Variants in LAT2 observed in about 807,000 individuals in gnomAD.
LAT2 encodes the protein linker for activation of T cells family member 2, also known as linker for activation of T-cells family member 2.
A neutral mutation model predicts 43.4 loss-of-function variants in LAT2; 23 were observed. That is an observed-to-expected ratio of 0.53 (90% CI 0.38 to 0.75). The LOEUF (loss-of-function observed/expected upper bound fraction) is 0.75. Ranked by LOEUF, LAT2 falls within the 30% of genes least tolerant of loss-of-function variation. The pLI is 0.00. For synonymous variants in LAT2, 128 were observed against 123.2 expected (o/e 1.04, Z -0.26); for missense variants, 284 against 310.2 (o/e 0.92, Z 0.64).
chr7:74,225,594 A>G (rs1202533648), intron 13 of LAT2: 1 of 152,410 alleles, frequency 6.6e-6, no homozygotes, highest in Non-Finnish European at 1.5e-5. Flanking sequence ...GCCACAGAGC[A>G]GTTAAGCCAC....
chr7:74,214,101 A>AAT lies in LAT2; in HGVS notation c.-218-712_-218-711dup, dbSNP rs528805643. Among the ~76,000 whole-genome samples, 304 of 89,392 alleles carry AAT rather than the reference A, an allele frequency of 3.4e-3. 6 individuals carry two copies. Among genetic ancestry groups the AAT allele is most frequent in the African/African-American group, 0.016 (276 of 17,102 alleles). The allele number at this position is 89,392 out of a possible 152,430, so 58.6% of individuals were successfully genotyped here. A position where few individuals can be genotyped will look rare whatever the true frequency, so the allele number is the denominator to read the frequency against. ...ATATATATATGAAAAAATATATATA[A>AAT]ATATATATATGAAAATATATATATA... On this transcript the variant is annotated intron_variant, in intron 1 of 13. Coordinates refer to ENST00000460943, the MANE Select transcript of LAT2 (RefSeq NM_032464.3).
chr7:74,224,509 C>G (rs55973656), intron 12 of LAT2, 130 bp from the exon 13 acceptor site: 10 of 779,784 alleles, frequency 1.3e-5, no homozygotes, highest in Admixed American at 6.3e-5. Context: ...AGACACACAC[C>G]GCCAGGACCT....
rs188951988 is a variant in LAT2 at position 74,220,414 on chromosome 7, C to T, written c.265+160C>T. 3,716 of 1,221,234 alleles carry T rather than the reference C, an allele frequency of 3.0e-3. 5 individuals are homozygous for T. The highest frequency in any genetic ancestry group is 3.4e-3 in the Non-Finnish European group (2,912 of 851,268). 75.6% of individuals were successfully genotyped at this position (1,221,234 alleles called of 1,614,324 possible). A position where few individuals can be genotyped will look rare whatever the true frequency, so the allele number is the denominator to read the frequency against. ...CTGGGGCAGGGCAGGCTCCTGGAAT[C>T]GGCCTGGCAGGGGGAGGGTGCACAC... is the stretch of plus-strand genomic sequence containing the variant. On this transcript the variant is annotated intron_variant, in intron 7 of 13. Coordinates refer to ENST00000460943, the MANE Select transcript of LAT2 (RefSeq NM_032464.3). This position sits in a 1 kb window ranked among gnomAD's most constrained non-coding sequence, Gnocchi z 4.5.
At chr7:74,212,829 G>A (rs555157184) in intron 1 of LAT2, among the ~76,000 whole-genome samples, 4 of 152,190 alleles carry the variant, frequency 2.6e-5, no homozygotes, top group Admixed American at 1.3e-4. Flanking sequence ...ACAACCTCCC[G>A]GGGTGACGTG....
intron 13 of LAT2, chr7:74,226,286 C>A (rs534722774): frequency 6.6e-6 from 1 of 151,974 alleles, no homozygotes; most frequent in African/African-American, 2.4e-5. Flanking sequence ...TACAGGCACA[C>A]GCCACCATGT....
rs782226079 is a variant in LAT2 at position 74,220,645 on chromosome 7, G to A, written c.301+26G>A. 1.2e-6 allele frequency: 2 copies of A among 1,613,994 alleles called. No homozygotes were observed. The highest frequency in any genetic ancestry group is 1.7e-6 in the Non-Finnish European group (2 of 1,179,948). ...GTAGGTAGGCTCCTGGAGAAAGGGG[G>A]AGGCCATGGTGGGGGCCACACCCAG... On this transcript the variant is annotated intron_variant, in intron 8 of 13. Coordinates refer to ENST00000460943, the MANE Select transcript of LAT2 (RefSeq NM_032464.3). The surrounding 1 kb of genome is among the most constrained non-coding windows in gnomAD (Gnocchi z 4.5).
At chr7:74,216,474 C>T (rs1554714321) in intron 3 of LAT2, among the ~76,000 whole-genome samples, 1 of 152,084 alleles carries the variant, frequency 6.6e-6, no homozygotes, top group East Asian at 1.9e-4. Context: ...CGGGTTGAAG[C>T]GATTCTCCTG....
At chr7:74,219,122 C>T (rs1224892892) in intron 4 of LAT2, among the ~76,000 whole-genome samples, 11 of 140,976 alleles carry the variant, frequency 7.8e-5, no homozygotes, top group Non-Finnish European at 1.4e-4. Context: ...CTGCAAGCTC[C>T]GCTTCCCGGG....
chr7:74,224,622 T>C lies in LAT2; in HGVS notation c.629-17T>C. 6.4e-7 allele frequency: 1 copy of C among 1,572,306 alleles called. No individual in the cohort carries two copies. On this transcript the variant is annotated splice_polypyrimidine_tract_variant and intron_variant, in intron 12 of 13. Coordinates refer to ENST00000460943, the MANE Select transcript of LAT2 (RefSeq NM_032464.3). ...CATGTGAACCACTCGATGACCTGTC[T>C]GCCCGCTGGTCCACAGGGCAACTCC...
chr7:74,211,599 A>T (rs1801740064), intron 1 of LAT2, among the ~76,000 whole-genome samples: 1 of 152,046 alleles, frequency 6.6e-6, no homozygotes, highest in Admixed American at 6.6e-5. Context: ...CTGAGACTAG[A>T]GGCGCCTGCC....
intron 12 of LAT2, 134 bp downstream of exon 12, chr7:74,224,331 C>G: frequency 4.9e-6 from 5 of 1,014,916 alleles, no homozygotes; most frequent in East Asian, 2.4e-5. Context: ...GGTGCAGGAG[C>G]AGCTGCAGAG....
intron 1 of LAT2, among the ~76,000 whole-genome samples, chr7:74,211,811 T>C (rs1554713200): frequency 6.6e-6 from 1 of 151,914 alleles, no homozygotes; most frequent in Non-Finnish European, 1.5e-5. Context: ...AGGCTGGTCT[T>C]GAACTCCTGA....
Position 74,219,954 on chromosome 7 carries a change from T to G in LAT2, c.179-6T>G. 6.2e-7 allele frequency: 1 copy of G among 1,613,552 alleles called. No homozygotes were observed. Among genetic ancestry groups the G allele is most frequent in the Non-Finnish European group, 8.5e-7 (1 of 1,179,970 alleles). On this transcript the variant is annotated splice_region_variant and splice_polypyrimidine_tract_variant and intron_variant, in intron 5 of 13. Transcript: ENST00000460943. Reference sequence around the variant, plus strand: ...CAGCCAACACCCCACTTCTTGCCCTTTGTAGTGGTCGGGCAGGCATGGCCA... The same window carrying G: ...CAGCCAACACCCCACTTCTTGCCCTGTGTAGTGGTCGGGCAGGCATGGCCA...
In LAT2 at chr7:74,216,085, G is replaced by A. The variant is rs540513831; in HGVS notation, c.94+16G>A. 7.5e-6 allele frequency: 12 copies of A among 1,598,742 alleles called. No individual in the cohort carries two copies. The highest frequency in any genetic ancestry group is 3.3e-5 in the South Asian group (3 of 90,008). ...TCACGCCCAGGTAAGCGGGGGTCTC[G>A]GGGACGTGATGGGGAGAAGGTGTGG... is the stretch of plus-strand genomic sequence containing the variant. On this transcript the variant is annotated intron_variant, in intron 3 of 13. Transcript: ENST00000460943.
chr7:74,225,002 C>A (rs1255743374), intron 13 of LAT2: 2 of 359,622 alleles, frequency 5.6e-6, no homozygotes, highest in Non-Finnish European at 1.0e-5. Flanking sequence ...CCGGGTGGGT[C>A]TCCCAACTCC....
In LAT2 at chr7:74,220,687, C is replaced by G. The variant is rs1802233436; in HGVS notation, c.302-17C>G. 1 of 1,611,220 alleles carries G rather than the reference C, an allele frequency of 6.2e-7. No homozygotes were observed. Among genetic ancestry groups the G allele is most frequent in the African/African-American group, 1.3e-5 (1 of 74,978 alleles). ...CACACCCAGGGGCTCAGGCCCAATT[C>G]TCGCCTCCTCCCGCAGGAAGCAGAC... On this transcript the variant is annotated splice_polypyrimidine_tract_variant and intron_variant, in intron 8 of 13. Transcript: ENST00000460943. This position sits in a 1 kb window ranked among gnomAD's most constrained non-coding sequence, Gnocchi z 4.5.
At position 74,220,760 on chromosome 7, in the gene LAT2, C is replaced by T. The variant is rs1563973515; in HGVS notation, c.332+26C>T. The T allele has an allele frequency of 2.0e-6, 3 of 1,511,780 alleles. No homozygotes were observed. Among genetic ancestry groups the T allele is most frequent in the Non-Finnish European group, 2.7e-6 (3 of 1,119,702 alleles). 93.6% of individuals were successfully genotyped at this position (1,511,780 alleles called of 1,614,324 possible). ...GTGAGTGACCTTGATCCTGTCCCCC[C>T]TGCCTCGCCTCTCCCCCTGCCCCAC... On this transcript the variant is annotated intron_variant, in intron 9 of 13. Transcript: ENST00000460943. The surrounding 1 kb of genome is among the most constrained non-coding windows in gnomAD (Gnocchi z 4.5).
chr7:74,215,423 C>T (rs1373252838), intron 2 of LAT2: 5 of 164,508 alleles, frequency 3.0e-5, no homozygotes, highest in African/African-American at 4.8e-5. Context: ...CTGGGGTGGG[C>T]GAGGGCTTCC....
In LAT2 at chr7:74,219,761, G is replaced by T. The variant is rs781840947; in HGVS notation, c.152G>T (p.Ser51Ile). Residue 51 changes from serine to isoleucine, a missense_variant, in exon 5 of 14, where the codon AGC (serine) becomes ATC (isoleucine). Ser to Ile is a moderately radical substitution (Grantham distance 142, BLOSUM62 -2). Coordinates refer to ENST00000460943, the MANE Select transcript of LAT2 (RefSeq NM_032464.3). ...ATTTCCAGGCGTGAGGACCAACAGA[G>T]CTTTACGGGGTCCCGGACCTACTCC... ...QQRSLREDQQSFTGSRTYSLV... is the reference protein window; with the variant it reads ...QQRSLREDQQIFTGSRTYSLV... 1.2e-5 allele frequency: 20 copies of T among 1,614,186 alleles called. No individual in the cohort carries two copies. Among genetic ancestry groups the T allele is most frequent in the Non-Finnish European group, 1.6e-5 (19 of 1,180,036 alleles).
Sources: gnomAD v4.1 joint callset for allele counts (sites outside exome capture counted in the v4.1 genomes callset) on GRCh38, gnomAD v4.1.1 for gene constraint, Gnocchi (gnomAD v3.1) non-coding constraint, MANE v1.5 for transcripts, NCBI Gene and HGNC (gene_info 2026-07-23, HGNC 2026-07-21) for gene names.